Variants in PALM2AKAP2 observed in about 807,000 individuals in gnomAD.
PALM2AKAP2 encodes PALM2-AKAP2 fusion protein.
Under a neutral mutation model 71.5 loss-of-function variants are expected in PALM2AKAP2, and 37 were observed. The ratio of observed to expected loss-of-function variants is 0.52; its 90% CI spans 0.40 to 0.68. PALM2AKAP2 has a LOEUF of 0.68. PALM2AKAP2 is among the 30% of genes least tolerant of loss of function. The pLI, the probability that PALM2AKAP2 is intolerant of heterozygous loss-of-function variation, is 0.00. For synonymous variants in PALM2AKAP2, 468 were observed against 478.8 expected, an observed-to-expected ratio of 0.98 and a Z score of 0.29; for missense variants, 1,224 against 1,191.8, an observed-to-expected ratio of 1.03 and a Z score of -0.40.
At chr9:110,011,886 A>C (rs748148852) in intron 6 of PALM2AKAP2, among the ~76,000 whole-genome samples, 1 of 152,226 alleles carries the variant, frequency 6.6e-6, no homozygotes, top group Non-Finnish European at 1.5e-5. Flanking sequence ...ACTCTAGCAC[A>C]AGATACTGGT....
chr9:109,867,527 C>A (rs957556066), exon 2 of PALM2AKAP2: 2 of 1,612,826 alleles, frequency 1.2e-6, no homozygotes, highest in African/African-American at 1.3e-5. Context: ...AGAAGGCAAG[C>A]GACAACAGCT....
chr9:110,089,713 C>T (rs1834660854), intron 1 of PALM2AKAP2, among the ~76,000 whole-genome samples: 1 of 152,128 alleles, frequency 6.6e-6, no homozygotes, highest in South Asian at 2.1e-4. Flanking sequence ...CCTTTTTGCA[C>T]CTGCCTCTTT....
intron 7 of PALM2AKAP2, among the ~76,000 whole-genome samples, chr9:110,019,294 A>G (rs542727044): frequency 1.8e-4 from 27 of 151,960 alleles, no homozygotes; most frequent in Non-Finnish European, 3.5e-4. Flanking sequence ...CAGAATGGCC[A>G]TTATTAAAAA....
intron 1 of PALM2AKAP2, among the ~76,000 whole-genome samples, chr9:110,089,125 T>C (rs1349315345): frequency 6.6e-6 from 1 of 152,042 alleles, no homozygotes; most frequent in Non-Finnish European, 1.5e-5. Flanking sequence ...AGGAGCACCA[T>C]AATGGGCAGT....
chr9:109,987,622 G>A (rs1165733256), intron 6 of PALM2AKAP2, among the ~76,000 whole-genome samples: 1 of 152,112 alleles, frequency 6.6e-6, no homozygotes, highest in Non-Finnish European at 1.5e-5. Context: ...TATCTCAGTT[G>A]GCTTGAACAA....
intron 3 of PALM2AKAP2, among the ~76,000 whole-genome samples, chr9:110,160,802 G>A (rs773632758): frequency 4.6e-5 from 7 of 152,082 alleles, no homozygotes; most frequent in African/African-American, 7.2e-5. Flanking sequence ...TACTTTTAGC[G>A]CAGGATCTGC....
chr9:109,849,035 G>A (rs2131616276), intron 1 of PALM2AKAP2, among the ~76,000 whole-genome samples: 1 of 152,238 alleles, frequency 6.6e-6, no homozygotes, highest in Middle Eastern at 3.4e-3. Context: ...AAGATTAACA[G>A]GATTGACTCC....
chr9:109,770,115 C>A (rs1387589936), intron 1 of PALM2AKAP2, among the ~76,000 whole-genome samples: 1 of 152,152 alleles, frequency 6.6e-6, no homozygotes, highest in Non-Finnish European at 1.5e-5. Context: ...CAATGGTTGG[C>A]TAGGTCAGAG....
intron 6 of PALM2AKAP2, among the ~76,000 whole-genome samples, chr9:109,958,450 G>A (rs1831788566): frequency 6.6e-6 from 1 of 152,114 alleles, no homozygotes; most frequent in African/African-American, 2.4e-5. Flanking sequence ...TGACTTAGAG[G>A]AAGTCATTTT....
chr9:110,051,330 AG>A (rs372184250), intron 1 of PALM2AKAP2, among the ~76,000 whole-genome samples: 8 of 152,222 alleles, frequency 5.3e-5, no homozygotes, highest in African/African-American at 1.9e-4. Context: ...TGTCAAATGA[AG>A]GGAGAATGAA....
intron 1 of PALM2AKAP2, among the ~76,000 whole-genome samples, chr9:109,830,832 C>T (rs748878732): frequency 1.3e-5 from 2 of 152,108 alleles, no homozygotes; most frequent in African/African-American, 2.4e-5. Context: ...CTGAAGGTCA[C>T]GCAGTCAGCA....
intron 1 of PALM2AKAP2, among the ~76,000 whole-genome samples, chr9:109,680,036 G>T (rs1429967472): frequency 3.3e-5 from 5 of 152,152 alleles, no homozygotes; most frequent in Non-Finnish European, 7.3e-5. Flanking sequence ...CAACTCATAT[G>T]TGCTAATGTT....
chr9:109,887,573 C>T (rs558836263), intron 3 of PALM2AKAP2, among the ~76,000 whole-genome samples: 22 of 152,096 alleles, frequency 1.4e-4, no homozygotes, highest in African/African-American at 5.3e-4. Context: ...TTTTCTGCCT[C>T]CATTTAATTC....
At chr9:109,710,522 TAGTATGATGTTG>T (rs1170619690) in intron 1 of PALM2AKAP2, among the ~76,000 whole-genome samples, 1 of 152,174 alleles carries the variant, frequency 6.6e-6, no homozygotes, top group Non-Finnish European at 1.5e-5. Flanking sequence ...TGTCGCAAGT[TAGTATGATGTTG>T]AGCATCAGTT....
At chr9:109,860,093 T>C (rs559278715) in intron 1 of PALM2AKAP2, among the ~76,000 whole-genome samples, 2 of 152,334 alleles carry the variant, frequency 1.3e-5, no homozygotes, top group African/African-American at 2.4e-5. Flanking sequence ...TCTGATGGTG[T>C]TGAGATGAGA....
chr9:109,983,702 T>A (rs932460123), intron 6 of PALM2AKAP2, among the ~76,000 whole-genome samples: 1 of 151,652 alleles, frequency 6.6e-6, no homozygotes, highest in African/African-American at 2.4e-5. Flanking sequence ...CCATCTCTAC[T>A]AAAAATACCA....
intron 2 of PALM2AKAP2, among the ~76,000 whole-genome samples, chr9:109,878,258 G>A (rs528184380): frequency 6.6e-6 from 1 of 152,234 alleles, no homozygotes; most frequent in African/African-American, 2.4e-5. Context: ...TACCTACCCT[G>A]GTGGTAGATG....
chr9:109,881,876 C>CTTTTTTTTTTTTT (rs565835467), intron 3 of PALM2AKAP2, among the ~76,000 whole-genome samples: 2 of 95,114 alleles, frequency 2.1e-5, no homozygotes, highest in Non-Finnish European at 4.2e-5. Context: ...CTTATGAGCT[C>CTTTTTTTTTTTTT]TTTTTTTTTT....
intron 2 of PALM2AKAP2, among the ~76,000 whole-genome samples, chr9:110,153,498 T>C (rs1283229026): frequency 6.6e-6 from 1 of 152,274 alleles, no homozygotes; most frequent in Non-Finnish European, 1.5e-5. Flanking sequence ...TAAAATGTTT[T>C]AATTCATATA....
Sources: allele counts gnomAD v4.1 joint callset (sites outside exome capture counted in the v4.1 genomes callset), GRCh38; gene constraint gnomAD v4.1.1; transcripts MANE v1.5; gene names NCBI Gene and HGNC (gene_info 2026-07-23, HGNC 2026-07-21).